Variants in SPOCK1 observed in about 807,000 individuals in gnomAD.
SPOCK1 encodes SPARC (osteonectin), cwcv and kazal like domains proteoglycan 1.
SPOCK1 carries 23 observed loss-of-function variants against 55.3 expected under a neutral mutation model. That is an observed-to-expected ratio of 0.42 (90% CI 0.30 to 0.59). SPOCK1 has a LOEUF of 0.59. Ranked by LOEUF, SPOCK1 falls within the 20% of genes least tolerant of loss-of-function variation. SPOCK1 has a pLI of 0.22. For missense variants in SPOCK1, 499 were observed against 552.5 expected (o/e 0.90, Z 0.97); for synonymous variants, 226 against 221.0 (o/e 1.02, Z -0.20).
chr5:137,490,915 A>C (rs1754162349), intron 2 of SPOCK1, among the ~76,000 whole-genome samples: 1 of 152,026 alleles, frequency 6.6e-6, no homozygotes, highest in African/African-American at 2.4e-5. Flanking sequence ...CATGGAACTG[A>C]CTCCCCCAAC....
intron 6 of SPOCK1, among the ~76,000 whole-genome samples, chr5:137,050,777 A>T (rs1379447722): frequency 1.3e-5 from 2 of 152,250 alleles, no homozygotes; most frequent in African/African-American, 2.4e-5. Flanking sequence ...CAGAATCAAG[A>T]TTTCCTATTT....
At chr5:137,217,974 TTAGAAGGAGAAG>T (rs1372362744) in intron 3 of SPOCK1, among the ~76,000 whole-genome samples, 1 of 150,552 alleles carries the variant, frequency 6.6e-6, no homozygotes, top group African/African-American at 2.5e-5. Flanking sequence ...GTATAGATGG[TTAGAAGGAGAAG>T]GAGAAGGAGA....
At chr5:137,186,055 A>C (rs927949952) in intron 3 of SPOCK1, among the ~76,000 whole-genome samples, 21 of 152,176 alleles carry the variant, frequency 1.4e-4, no homozygotes, top group Admixed American at 5.9e-4. Flanking sequence ...GAATCCAAAA[A>C]AATTCCTGTC....
At chr5:137,211,220 T>C (rs1018181995) in intron 3 of SPOCK1, among the ~76,000 whole-genome samples, 3 of 152,150 alleles carry the variant, frequency 2.0e-5, no homozygotes, top group African/African-American at 4.8e-5. Context: ...CATTGGTGCA[T>C]AGGAGTTAAG....
chr5:137,078,952 A>AC (rs1404854588), intron 5 of SPOCK1, among the ~76,000 whole-genome samples: 1 of 152,146 alleles, frequency 6.6e-6, no homozygotes, highest in African/African-American at 2.4e-5. Context: ...AGAGATCTGT[A>AC]CCCCACATAT....
rs563077605 is a variant in SPOCK1, at chr5:137,130,645, T to C, written c.347+9935A>G. 1.7e-3 allele frequency among the ~76,000 whole-genome samples: 256 copies of C among 152,336 alleles called. 1 individual carries two copies. Among genetic ancestry groups the C allele is most frequent in the African/African-American group, 5.9e-3 (244 of 41,574 alleles). On this transcript the variant is annotated intron_variant, in intron 4 of 10. Transcript: ENST00000394945. Reference sequence around the variant, plus strand: ...ACTTTGCTGTCTACTTGGGAATTCCTCACAGTGATGGAAAGTTTGAGCTGG... The same window carrying C: ...ACTTTGCTGTCTACTTGGGAATTCCCCACAGTGATGGAAAGTTTGAGCTGG...
chr5:137,288,278 C>T (rs1044684607), intron 2 of SPOCK1, among the ~76,000 whole-genome samples: 2 of 152,186 alleles, frequency 1.3e-5, no homozygotes, highest in African/African-American at 4.8e-5. Flanking sequence ...CAAGTAATGG[C>T]AGCATACCTA....
intron 2 of SPOCK1, among the ~76,000 whole-genome samples, chr5:137,441,828 C>T (rs144604994): frequency 4.2e-4 from 64 of 152,296 alleles, no homozygotes; most frequent in African/African-American, 1.5e-3. Context: ...AAGACATTGG[C>T]TTTTAAAAGG....
chr5:136,985,234 G>T (rs377179763), intron 8 of SPOCK1, 32 bp from the exon 9 acceptor site: 30 of 1,593,014 alleles, frequency 1.9e-5, no homozygotes, highest in Non-Finnish European at 2.2e-5. Context: ...TCAGCTTCCA[G>T]ATGGTATGGA....
At chr5:137,087,579 T>C (rs1027656103) in intron 5 of SPOCK1, among the ~76,000 whole-genome samples, 1 of 152,218 alleles carries the variant, frequency 6.6e-6, no homozygotes, top group Non-Finnish European at 1.5e-5. Flanking sequence ...ACCTGGGGCC[T>C]CTGCATGGCA....
intron 2 of SPOCK1, among the ~76,000 whole-genome samples, chr5:137,320,167 T>C (rs1420853479): frequency 1.3e-5 from 2 of 152,212 alleles, no homozygotes; most frequent in African/African-American, 4.8e-5. Context: ...TTGTGGATTC[T>C]CCCTTGGGAG....
chr5:137,445,756 T>A (rs755835424), intron 2 of SPOCK1, among the ~76,000 whole-genome samples: 5 of 152,174 alleles, frequency 3.3e-5, no homozygotes, highest in Non-Finnish European at 5.9e-5. Context: ...AGAAGGCAAC[T>A]GACATAGGAC....
intron 5 of SPOCK1, among the ~76,000 whole-genome samples, chr5:137,084,322 C>G (rs1440001124): frequency 1.3e-5 from 2 of 151,972 alleles, no homozygotes. Context: ...GCAGGACACA[C>G]CTCAGAAGCT....
chr5:136,988,162 G>A lies in SPOCK1; in HGVS notation c.928+260C>T, dbSNP rs577071675. ...ATACCCATTGTATAGATGAAAATACGGACAGTTGAGAGACTTCCCCAAAGG... is the reference window on the plus strand; with the variant it reads ...ATACCCATTGTATAGATGAAAATACAGACAGTTGAGAGACTTCCCCAAAGG... On this transcript the variant is annotated intron_variant, in intron 8 of 10. Transcript: ENST00000394945. 1.3e-3 allele frequency among the ~76,000 whole-genome samples: 195 copies of A among 152,192 alleles called. 3 individuals are homozygous for A. The highest frequency in any genetic ancestry group is 3.4e-4 in the Non-Finnish European group (23 of 68,004).
At chr5:137,077,103 T>G (rs1752783688) in intron 5 of SPOCK1, among the ~76,000 whole-genome samples, 2 of 152,318 alleles carry the variant, frequency 1.3e-5, no homozygotes, top group South Asian at 4.1e-4. Context: ...TTTTTGTATT[T>G]TTAGTAGAGA....
intron 2 of SPOCK1, among the ~76,000 whole-genome samples, chr5:137,285,854 C>A (rs182611651): frequency 2.5e-4 from 38 of 152,236 alleles, no homozygotes. Flanking sequence ...AGGGCTCACC[C>A]TCCAAAGTGG....
At chr5:137,135,961 G>A (rs951797536) in intron 4 of SPOCK1, among the ~76,000 whole-genome samples, 4 of 152,240 alleles carry the variant, frequency 2.6e-5, no homozygotes, top group Admixed American at 2.6e-4. Flanking sequence ...GCAGGAGGGA[G>A]TCTTTAAATG....
At chr5:137,223,279 G>C (rs560624441) in intron 3 of SPOCK1, among the ~76,000 whole-genome samples, 1 of 150,478 alleles carries the variant, frequency 6.6e-6, no homozygotes, top group Non-Finnish European at 1.5e-5. Context: ...ATAATCCAAG[G>C]CAGCCCTGTA....
chr5:137,267,204 T>C, intron 2 of SPOCK1, 149 bp from the exon 3 acceptor site: 1 of 632,480 alleles, frequency 1.6e-6, no homozygotes, highest in Non-Finnish European at 2.8e-6. Flanking sequence ...CATTAATGTG[T>C]AATAAAAAAA....
Sources: gnomAD v4.1 joint callset for allele counts (sites outside exome capture counted in the v4.1 genomes callset) on GRCh38, gnomAD v4.1.1 for gene constraint, MANE v1.5 for transcripts, NCBI Gene and HGNC (gene_info 2026-07-23, HGNC 2026-07-21) for gene names.